The following LGSN variants were observed in gnomAD, a reference collection of about 807,000 sequenced individuals.
LGSN encodes lengsin, lens protein with glutamine synthetase domain.
A neutral mutation model predicts 19.5 loss-of-function variants in LGSN; 21 were observed. The observed-to-expected ratio is 1.07, with a 90% CI of 0.76 to 1.55. The LOEUF (loss-of-function observed/expected upper bound fraction) is 1.55. LGSN is among the 40% of genes most tolerant of loss of function. The pLI is 0.00. For missense variants in LGSN, 673 were observed against 608.5 expected (o/e 1.11, Z -1.12); for synonymous variants, 257 against 215.6 (o/e 1.19, Z -1.68).
chr6:63,364,669 T>C, the LGSN span, among the ~76,000 whole-genome samples: 3 of 152,174 alleles, frequency 2.0e-5, no homozygotes, highest in African/African-American at 7.2e-5. Flanking sequence ...ATTCCAAAAT[T>C]GGCCGCATAG....
At chr6:63,359,562 GA>G in the LGSN span, among the ~76,000 whole-genome samples, 2 of 152,114 alleles carry the variant, frequency 1.3e-5, no homozygotes, top group Non-Finnish European at 2.9e-5. Flanking sequence ...TTAGTCTTGG[GA>G]GAGTGTATGT....
chr6:63,453,676 CAG>C, the LGSN span, among the ~76,000 whole-genome samples: 2 of 151,846 alleles, frequency 1.3e-5, no homozygotes, highest in African/African-American at 2.4e-5. Flanking sequence ...TTTTTTGAGA[CAG>C]AGTCTCGCTC....
the LGSN span, among the ~76,000 whole-genome samples, chr6:63,410,962 G>A: frequency 6.6e-6 from 1 of 152,124 alleles, no homozygotes; most frequent in Non-Finnish European, 1.5e-5. Flanking sequence ...GGCCAGAAAT[G>A]TCAGTACAGG....
the LGSN span, among the ~76,000 whole-genome samples, chr6:63,437,578 G>C: frequency 6.6e-6 from 1 of 152,194 alleles, no homozygotes; most frequent in African/African-American, 2.4e-5. Context: ...TATAATGATT[G>C]CTGGAGTCAA....
chr6:63,507,897 G>A, the LGSN span, among the ~76,000 whole-genome samples: 6 of 152,016 alleles, frequency 3.9e-5, no homozygotes, highest in Admixed American at 3.9e-4. Flanking sequence ...ATCTACTAGA[G>A]CAAAAACATA....
At chr6:63,337,526 G>C in the LGSN span, among the ~76,000 whole-genome samples, 5 of 151,668 alleles carry the variant, frequency 3.3e-5, no homozygotes, top group African/African-American at 1.2e-4. Flanking sequence ...CTTTGGACGA[G>C]GTGAGGTGGT....
At chr6:63,500,860 TG>T in the LGSN span, among the ~76,000 whole-genome samples, 1 of 152,068 alleles carries the variant, frequency 6.6e-6, no homozygotes, top group African/African-American at 2.4e-5. Flanking sequence ...ATTGAGTAAC[TG>T]GGATTAGAGG....
the LGSN span, among the ~76,000 whole-genome samples, chr6:63,495,775 G>A: frequency 2.0e-5 from 3 of 151,318 alleles, no homozygotes; most frequent in African/African-American, 7.3e-5. Flanking sequence ...TCTAATGAGG[G>A]GATTAGTATA....
the LGSN span, among the ~76,000 whole-genome samples, chr6:63,352,605 G>A: frequency 2.9e-3 from 444 of 151,760 alleles, 3 homozygotes; most frequent in African/African-American, 0.01. Context: ...AGGCTTCACT[G>A]AGCCATGATC....
the LGSN span, among the ~76,000 whole-genome samples, chr6:63,394,431 T>A: frequency 1.3e-5 from 2 of 152,156 alleles, no homozygotes; most frequent in Non-Finnish European, 2.9e-5. Context: ...ACACTCCCAC[T>A]AGCATCATGA....
chr6:63,430,835 G>A, the LGSN span, among the ~76,000 whole-genome samples: 3 of 152,138 alleles, frequency 2.0e-5, no homozygotes, highest in Non-Finnish European at 4.4e-5. Flanking sequence ...TCCACTGCCC[G>A]AGGTCAGACA....
the LGSN span, among the ~76,000 whole-genome samples, chr6:63,346,832 T>A: frequency 6.6e-6 from 1 of 152,174 alleles, no homozygotes; most frequent in African/African-American, 2.4e-5. Flanking sequence ...AAGCTGGAGA[T>A]TGAGTTAATG....
At chr6:63,348,104 C>T in the LGSN span, among the ~76,000 whole-genome samples, 8 of 152,052 alleles carry the variant, frequency 5.3e-5, no homozygotes, top group Admixed American at 2.0e-4. Flanking sequence ...CAATATTAGC[C>T]AAGAGCTGAA....
chr6:63,515,889 T>G, the LGSN span, among the ~76,000 whole-genome samples: 1 of 152,198 alleles, frequency 6.6e-6, no homozygotes, highest in African/African-American at 2.4e-5. Flanking sequence ...TATTAAAGAA[T>G]TACAAGTTAA....
chr6:63,446,081 T>C, the LGSN span, among the ~76,000 whole-genome samples: 12 of 151,866 alleles, frequency 7.9e-5, no homozygotes, highest in African/African-American at 2.2e-4. Flanking sequence ...AAACCCCATC[T>C]CTACTAAAAA....
At chr6:63,330,353 G>A in the LGSN span, among the ~76,000 whole-genome samples, 1 of 151,908 alleles carries the variant, frequency 6.6e-6, no homozygotes, top group Non-Finnish European at 1.5e-5. Context: ...TTTTCCTTTT[G>A]GGCCTGTTCC....
the LGSN span, among the ~76,000 whole-genome samples, chr6:63,409,386 C>T: frequency 3.9e-4 from 60 of 152,282 alleles, no homozygotes; most frequent in African/African-American, 1.3e-3. Context: ...TATATCTAAA[C>T]TTCTTGATCA....
chr6:63,514,995 T>C, the LGSN span, among the ~76,000 whole-genome samples: 1 of 152,040 alleles, frequency 6.6e-6, no homozygotes, highest in East Asian at 1.9e-4. Context: ...TGAGCCACTG[T>C]GCCGAGCCTT....
chr6:63,412,805 G>T, the LGSN span, among the ~76,000 whole-genome samples: 2 of 137,780 alleles, frequency 1.5e-5, no homozygotes, highest in African/African-American at 5.6e-5. Context: ...AAGGAAAGAA[G>T]GAAGGAAGGA....
Sources: gnomAD v4.1 joint callset for allele counts (sites outside exome capture counted in the v4.1 genomes callset) on GRCh38, gnomAD v4.1.1 for gene constraint, MANE v1.5 for transcripts, NCBI Gene and HGNC (gene_info 2026-07-23, HGNC 2026-07-21) for gene names.